Variants in SP140 observed in about 807,000 individuals in gnomAD.
SP140 encodes the protein nuclear body protein SP140.
A neutral mutation model predicts 125.0 loss-of-function variants in SP140; 81 were observed. The ratio of observed to expected loss-of-function variants is 0.65; its 90% confidence interval spans 0.54 to 0.78. SP140 has a LOEUF of 0.78. Among genes scored for constraint, SP140 ranks in the 30% least tolerant of loss-of-function variants. SP140 has a pLI of 0.00. For synonymous variants in SP140, 312 were observed against 354.0 expected (o/e 0.88, Z 1.33); for missense variants, 858 against 1,037.0 (o/e 0.83, Z 2.37).
upstream of SP140, among the ~76,000 whole-genome samples, chr2:230,223,693 A>G (rs1367728551): frequency 2.0e-5 from 3 of 152,252 alleles, no homozygotes; most frequent in Non-Finnish European, 4.4e-5. Context: ...GTTCAGAGTC[A>G]GGAATTTTGG....
chr2:230,302,870 A>G (rs534992705), intron 22 of SP140, among the ~76,000 whole-genome samples: 2 of 152,330 alleles, frequency 1.3e-5, no homozygotes, highest in Admixed American at 6.5e-5. Flanking sequence ...AACGACAATA[A>G]TGACACAAGC....
At chr2:230,310,161 G>T (rs2059204849) in intron 23 of SP140, 122 bp downstream of exon 23, 1 of 894,144 alleles carries the variant, frequency 1.1e-6, no homozygotes, top group Admixed American at 2.3e-5. Flanking sequence ...ATCGGGTACT[G>T]GGACCCAGCA....
chr2:230,250,874 G>A, intron 9 of SP140, 107 bp from the exon 10 acceptor site: 1 of 1,234,762 alleles, frequency 8.1e-7, no homozygotes, highest in Admixed American at 1.9e-5. Context: ...TACAGGCCAG[G>A]AGGGCCTGGG....
chr2:230,269,443 A>G (rs2053603700), intron 12 of SP140, 89 bp from the exon 13 acceptor site: 3 of 818,380 alleles, frequency 3.7e-6, no homozygotes, highest in Middle Eastern at 2.3e-4. Flanking sequence ...TTAGCTCAGA[A>G]TATCAGTGTG....
intron 21 of SP140, among the ~76,000 whole-genome samples, chr2:230,296,172 T>C (rs896926936): frequency 6.6e-6 from 1 of 152,108 alleles, no homozygotes; most frequent in African/African-American, 2.4e-5. Flanking sequence ...GCCTGAAAGG[T>C]CAAAGCTGTA....
chr2:230,282,057 A>G (rs2055647011), intron 15 of SP140, among the ~76,000 whole-genome samples: 1 of 152,144 alleles, frequency 6.6e-6, no homozygotes, highest in African/African-American at 2.4e-5. Context: ...GAGGAAACCT[A>G]TGGGATTATA....
upstream of SP140, chr2:230,200,734 G>A (rs945885246): frequency 1.5e-6 from 1 of 682,148 alleles, no homozygotes; most frequent in Non-Finnish European, 2.6e-6. Context: ...ATCATGGGAA[G>A]GGTCTTGATT....
chr2:230,289,385 T>A (rs1208636815), intron 18 of SP140, among the ~76,000 whole-genome samples: 1 of 152,218 alleles, frequency 6.6e-6, no homozygotes, highest in Non-Finnish European at 1.5e-5. Flanking sequence ...ATAGATAGAC[T>A]GCAAAAATTT....
intron 12 of SP140, among the ~76,000 whole-genome samples, chr2:230,256,304 A>T (rs2051179436): frequency 6.6e-6 from 1 of 152,128 alleles, no homozygotes; most frequent in Admixed American, 6.5e-5. Context: ...CTGGATTAAG[A>T]AAATGTGGCA....
the SP140 span, among the ~76,000 whole-genome samples, chr2:230,196,940 C>T: frequency 3.9e-5 from 6 of 152,112 alleles, no homozygotes; most frequent in Non-Finnish European, 7.4e-5. Flanking sequence ...TCCAGTCTAT[C>T]GTTGTTGGAC....
chr2:230,254,043 G>A (rs576258271), intron 11 of SP140, among the ~76,000 whole-genome samples: 2 of 152,244 alleles, frequency 1.3e-5, no homozygotes, highest in East Asian at 3.9e-4. Flanking sequence ...AAAGGAGAAA[G>A]TGAAAGACAA....
chr2:230,192,211 T>G, the SP140 span, among the ~76,000 whole-genome samples: 1 of 150,678 alleles, frequency 6.6e-6, no homozygotes, highest in East Asian at 2.0e-4. Flanking sequence ...AGCATTCCCT[T>G]TGAAAACCAG....
At chr2:230,217,105 G>T (rs1457461040) in intron 3 of SP140, among the ~76,000 whole-genome samples, 1 of 152,108 alleles carries the variant, frequency 6.6e-6, no homozygotes, top group Non-Finnish European at 1.5e-5. Context: ...AATTAGCTGG[G>T]TGTGGTGGCG....
rs142433131 is a variant in SP140 at position 230,281,034 on chromosome 2, A to G, written c.1499-3312A>G. ...TTCTCAGTATAGTAAGGTGATTACTATATTATTTCCTGGAATCTATGGTGT... is the reference window on the plus strand; with the variant it reads ...TTCTCAGTATAGTAAGGTGATTACTGTATTATTTCCTGGAATCTATGGTGT... On this transcript the variant is annotated intron_variant, in intron 15 of 26. Transcript: ENST00000392045. Among the ~76,000 whole-genome samples, 7 of 152,290 alleles carry G rather than the reference A, an allele frequency of 4.6e-5. No homozygotes were observed. In the East Asian group the frequency reaches 7.7e-4, roughly 17 times the overall value.
intron 22 of SP140, among the ~76,000 whole-genome samples, chr2:230,301,495 CA>C (rs2058279708): frequency 6.6e-6 from 1 of 152,164 alleles, no homozygotes; most frequent in Admixed American, 6.5e-5. Context: ...CCTCCTTAAA[CA>C]AAATAATTAT....
intron 5 of SP140, 100 bp downstream of exon 5, chr2:230,243,911 C>A: frequency 2.6e-6 from 2 of 780,568 alleles, no homozygotes; most frequent in Non-Finnish European, 4.4e-6. Context: ...GTACATGCCA[C>A]AGGCAAAAGA....
At position 230,245,022 on chromosome 2, in the gene SP140, C is replaced by T. The variant is rs1221694792; in HGVS notation, c.606C>T (p.Leu202=). The T allele has an allele frequency of 6.2e-7, 1 of 1,613,234 alleles. No individual in the cohort carries two copies. The highest frequency in any genetic ancestry group is 1.1e-5 in the South Asian group (1 of 91,032). Residue 202 remains leucine (L), a synonymous_variant, in exon 6 of 27, where the codon CTC becomes CTT. Transcript: ENST00000392045. ...CAGAGTCTTGTGAGCAGTTAGCTCT[C>T]CCAAAGGCTGGTGGAGGAGATGCTG... ...FSSESCEQLA[L]PKAGGGDAED...
intron 1 of SP140, among the ~76,000 whole-genome samples, chr2:230,213,322 T>C (rs1165271936): frequency 6.6e-6 from 1 of 152,260 alleles, no homozygotes; most frequent in Non-Finnish European, 1.5e-5. Context: ...TTAACTTTTC[T>C]TTAATCTTGG....
chr2:230,194,201 G>A, the SP140 span, among the ~76,000 whole-genome samples: 1 of 152,144 alleles, frequency 6.6e-6, no homozygotes, highest in African/African-American at 2.4e-5. Flanking sequence ...TGGGAGCTGG[G>A]ACAAGATCTC....
Sources: gnomAD v4.1 joint callset for allele counts (sites outside exome capture counted in the v4.1 genomes callset) on GRCh38, gnomAD v4.1.1 for gene constraint, MANE v1.5 for transcripts, NCBI Gene and HGNC (gene_info 2026-07-23, HGNC 2026-07-21) for gene names.